R3HDM1: variants seen among roughly 807,000 people sequenced by gnomAD.
R3HDM1 encodes the protein R3H domain-containing protein 1.
In R3HDM1, 46 loss-of-function variants were observed where a neutral mutation model predicts 141.1. That is an observed-to-expected ratio of 0.33 (90% CI 0.26 to 0.42). R3HDM1 has a LOEUF of 0.42. Ranked by LOEUF, R3HDM1 falls within the 10% of genes least tolerant of loss-of-function variation. R3HDM1 has a pLI of 1.00. For synonymous variants in R3HDM1, 435 were observed against 472.9 expected (o/e 0.92, Z 1.04); for missense variants, 1,184 against 1,368.3 (o/e 0.87, Z 2.12).
chr2:135,723,999 A>G lies in R3HDM1; in HGVS notation c.3112A>G (p.Lys1038Glu), dbSNP rs772803144. The G allele has an allele frequency of 6.2e-7, 1 of 1,614,002 alleles. No individual in the cohort carries two copies. Among genetic ancestry groups the G allele is most frequent in the South Asian group, 1.1e-5 (1 of 91,076 alleles). The stretch of plus-strand genomic sequence containing the variant: ...TGGAATAACTCGCATGGAAGCTGAA[A>G]AGCTTTTTGGGGAACTCTTTAAAAT... ...PDGITRMEAEKLFGELFKIGA... is the reference protein window; with the variant it reads ...PDGITRMEAEELFGELFKIGA... The change falls in exon 27 of 27, where the codon AAG becomes GAG. Residue 1038 changes from lysine to glutamate, a missense_variant. By Grantham distance (56) the Lys-to-Glu change is moderately conservative (BLOSUM62 1). Transcript: ENST00000683871.
At chr2:135,681,509 G>A (rs918591254) in intron 21 of R3HDM1, among the ~76,000 whole-genome samples, 1 of 152,180 alleles carries the variant, frequency 6.6e-6, no homozygotes, top group African/African-American at 2.4e-5. Context: ...TTAAAGTAGG[G>A]TGGTCTAAAG....
rs181640706 is a variant in R3HDM1 at position 135,714,066 on chromosome 2, G to T, written c.2737-1484G>T. Among the ~76,000 whole-genome samples the T allele has an allele frequency of 2.2e-4, 33 of 151,306 alleles. No individual in the cohort carries two copies. The South Asian group carries it at 4.6e-3, about 21-fold the overall frequency. ...ACCACTAGAGGCTACAAAACTAGTG[G>T]GTGAAATTCTGAGGAAAAGCATAAT... On this transcript the variant is annotated intron_variant, in intron 23 of 26. Coordinates refer to ENST00000683871, the MANE Select transcript of R3HDM1 (RefSeq NM_001378107.1).
chr2:135,551,039 TG>T (rs1385456801), intron 1 of R3HDM1, among the ~76,000 whole-genome samples: 1 of 152,212 alleles, frequency 6.6e-6, no homozygotes, highest in African/African-American at 2.4e-5. Flanking sequence ...CATCCACCAG[TG>T]GACAAGGGAC....
chr2:135,584,957 C>A (rs1707543580), intron 1 of R3HDM1, among the ~76,000 whole-genome samples: 1 of 152,126 alleles, frequency 6.6e-6, no homozygotes, highest in Non-Finnish European at 1.5e-5. Context: ...AGAAAAAAAT[C>A]ATTTATACCC....
intron 21 of R3HDM1, among the ~76,000 whole-genome samples, chr2:135,688,901 G>A (rs928419413): frequency 1.3e-5 from 2 of 152,070 alleles, no homozygotes; most frequent in South Asian, 2.1e-4. Context: ...GCACCACTGC[G>A]CTCCATCCTG....
intron 1 of R3HDM1, among the ~76,000 whole-genome samples, chr2:135,588,928 CTT>C (rs1708576498): frequency 6.6e-6 from 1 of 152,092 alleles, no homozygotes; most frequent in Non-Finnish European, 1.5e-5. Context: ...TTTTTAACCT[CTT>C]GTTTTGAAAT....
intron 6 of R3HDM1, chr2:135,622,000 T>C (rs2105179552): frequency 3.0e-6 from 3 of 983,858 alleles, no homozygotes; most frequent in East Asian, 1.1e-4. Flanking sequence ...ACAGAGTGTT[T>C]ATTTTTTATA....
At chr2:135,632,756 T>A (rs2062849673) in intron 9 of R3HDM1, among the ~76,000 whole-genome samples, 1 of 152,214 alleles carries the variant, frequency 6.6e-6, no homozygotes, top group Admixed American at 6.5e-5. Context: ...TCGAAAGGAA[T>A]TTCAGTTTGA....
rs566316267 is a variant in R3HDM1, at chr2:135,573,567, G to T, written c.-249-28933G>T. 5.3e-5 allele frequency among the ~76,000 whole-genome samples: 8 copies of T among 151,354 alleles called. No homozygotes were observed. The South Asian group carries it at 1.5e-3, about 28-fold the overall frequency. ...TTTAAGGTTTCCAAATAGAATAAGA[G>T]TAGGGATTATAAGGGAGGGACTTAA... On this transcript the variant is annotated intron_variant, in intron 1 of 26. Coordinates refer to ENST00000683871, the MANE Select transcript of R3HDM1 (RefSeq NM_001378107.1).
Position 135,639,560 on chromosome 2 carries a change from T to TA in R3HDM1, c.1219+445dup, listed in dbSNP as rs1371625822. The stretch of plus-strand genomic sequence containing the variant: ...TATGATAAAGTCCTTCATTTTCCAT[T>TA]AAAAAAATTAAATTGCTGAGGAGAT... On this transcript the variant is annotated intron_variant, in intron 14 of 26. Coordinates refer to ENST00000683871, the MANE Select transcript of R3HDM1 (RefSeq NM_001378107.1). Among the ~76,000 whole-genome samples, 8 of 152,154 alleles carry TA rather than the reference T, an allele frequency of 5.3e-5. No homozygotes were observed. The East Asian group carries it at 1.5e-3, about 29-fold the overall frequency.
chr2:135,679,047 C>T (rs1371582567), intron 20 of R3HDM1, among the ~76,000 whole-genome samples: 3 of 146,372 alleles, frequency 2.0e-5, no homozygotes, highest in East Asian at 2.0e-4. Flanking sequence ...GTGTGAGCCA[C>T]TGTGCCCAGC....
rs116803765 is a variant in R3HDM1 at position 135,641,785 on chromosome 2, A to G, written c.1469A>G (p.Gln490Arg). ...IPPGSILINPQTGQPFINPDG... is the reference protein window; with the variant it reads ...IPPGSILINPRTGQPFINPDG... The stretch of plus-strand genomic sequence containing the variant: ...CCTGGCAGTATTCTGATCAACCCAC[A>G]AACAGGTTGGTATCCAGAAAAAGGT... The change falls in exon 15 of 27, where the codon CAA (glutamine) becomes CGA (arginine). Residue 490 changes from glutamine (Q) to arginine (R), a missense_variant. Coordinates refer to ENST00000683871, the MANE Select transcript of R3HDM1 (RefSeq NM_001378107.1). 398 of 1,608,232 alleles carry G rather than the reference A, an allele frequency of 2.5e-4. 1 individual carries two copies. In the African/African-American group the frequency reaches 4.8e-3, roughly 19 times the overall value.
chr2:135,636,652 A>G (rs1383995424), intron 11 of R3HDM1, among the ~76,000 whole-genome samples: 1 of 152,194 alleles, frequency 6.6e-6, no homozygotes, highest in Non-Finnish European at 1.5e-5. Context: ...AAGTGATTAT[A>G]TAAGATAGGC....
At chr2:135,543,287 G>A (rs1698010995) in intron 1 of R3HDM1, 2 of 171,642 alleles carry the variant, frequency 1.2e-5, no homozygotes, top group Admixed American at 6.5e-5. Flanking sequence ...CAAAAAATGT[G>A]GTTATTTCTG....
At chr2:135,718,181 T>C (rs924077475) in intron 24 of R3HDM1, among the ~76,000 whole-genome samples, 1 of 151,990 alleles carries the variant, frequency 6.6e-6, no homozygotes, top group Non-Finnish European at 1.5e-5. Flanking sequence ...AGAGATGGGG[T>C]GTGGAACTGA....
intron 25 of R3HDM1, 40 bp downstream of exon 25, chr2:135,722,046 C>T (rs1000888664): frequency 5.8e-6 from 9 of 1,565,218 alleles, no homozygotes; most frequent in Non-Finnish European, 7.9e-6. Flanking sequence ...TGTTGCAGAA[C>T]ATCATAGCTC....
intron 1 of R3HDM1, among the ~76,000 whole-genome samples, chr2:135,554,095 T>C (rs530730034): frequency 6.6e-6 from 1 of 152,374 alleles, no homozygotes; most frequent in Admixed American, 6.5e-5. Context: ...CACAAAGTTA[T>C]GCAACTATCA....
At chr2:135,642,056 A>G (rs2063841482) in intron 15 of R3HDM1, among the ~76,000 whole-genome samples, 3 of 152,192 alleles carry the variant, frequency 2.0e-5, no homozygotes, top group Admixed American at 2.0e-4. Context: ...TATTTCCTAG[A>G]AATGAGACAA....
rs568240295 is a variant in R3HDM1 at position 135,702,469 on chromosome 2, G to T, written c.2460-6964G>T. ...AGGTCAGGAGATCGAGACCATCCTG[G>T]CTAACACGATGAAACCCCATCTCTA... is the stretch of plus-strand genomic sequence containing the variant. On this transcript the variant is annotated intron_variant, in intron 21 of 26. Transcript: ENST00000683871. Among the ~76,000 whole-genome samples, 6 of 152,056 alleles carry T rather than the reference G, an allele frequency of 3.9e-5. No homozygotes were observed. The East Asian group carries it at 1.2e-3, about 30-fold the overall frequency.
Sources: gnomAD v4.1 joint callset for allele counts (sites outside exome capture counted in the v4.1 genomes callset) on GRCh38, gnomAD v4.1.1 for gene constraint, MANE v1.5 for transcripts, NCBI Gene and HGNC (gene_info 2026-07-23, HGNC 2026-07-21) for gene names.